The following MDM2 variants were observed in gnomAD, a reference collection of about 807,000 sequenced individuals.
MDM2 encodes E3 ubiquitin-protein ligase Mdm2.
MDM2 carries 11 observed loss-of-function variants against 64.3 expected under a neutral mutation model. The ratio of observed to expected loss-of-function variants is 0.17; its 90% CI spans 0.11 to 0.28. The LOEUF (loss-of-function observed/expected upper bound fraction) is 0.28, where lower values mean the gene tolerates loss of function less well. Ranked by LOEUF, MDM2 falls within the 10% of genes least tolerant of loss-of-function variation. The pLI is 1.00. For missense variants in MDM2, 388 were observed against 577.1 expected (o/e 0.67, Z 3.36); for synonymous variants, 194 against 192.9 (o/e 1.01, Z -0.05).
downstream of MDM2, chr12:68,850,542 C>A (rs1884620608): frequency 6.6e-6 from 1 of 152,184 alleles, no homozygotes; most frequent in Admixed American, 6.5e-5. Context: ...TGAGCCCATC[C>A]TCTGTCCTAT....
rs1883019293 is a variant in MDM2 at position 68,833,301 on chromosome 12, ATAAATATAAAAATATAAT to A, written c.685-2525_685-2508del. On this transcript the variant is annotated intron_variant, in intron 8 of 10. Transcript: ENST00000258149. ...TATAAATATAAATATATATATTTATATAAATATAAAAATATAATTATATAAATATAAAAATATATATTT... is the reference window on the plus strand; with the variant it reads ...TATAAATATAAATATATATATTTATATATATAAATATAAAAATATATATTT... 1.7e-5 allele frequency among the ~76,000 whole-genome samples: 2 copies of A among 118,726 alleles called. 1 individual carries two copies. The highest frequency in any genetic ancestry group is 3.4e-5 in the Non-Finnish European group (2 of 58,386). 77.9% of individuals were successfully genotyped at this position (118,726 alleles called of 152,430 possible). A position where few individuals can be genotyped will look rare whatever the true frequency, so the allele number is the denominator to read the frequency against.
chr12:68,845,618 T>C (rs1187928137), downstream of MDM2: 1 of 177,264 alleles, frequency 5.6e-6, no homozygotes, highest in Non-Finnish European at 1.2e-5. Flanking sequence ...TTAAAGACTT[T>C]AAAAAAAATT....
At position 68,844,123 on chromosome 12, in the gene MDM2, TTGTC is replaced by T. The variant is rs997440915; in HGVS notation, c.*4277_*4280del. On this transcript the variant is annotated 3_prime_UTR_variant, in exon 11 of 11. Transcript: ENST00000258149. ...TCAACATGTTTATGGGTTATTAAAA[TTGTC>T]TGATTTCTTAGGTTCTTTATAGTAC... 19 of 207,564 alleles carry T rather than the reference TTGTC, an allele frequency of 9.2e-5. No homozygotes were observed. In the South Asian group the frequency reaches 1.9e-3, roughly 21 times the overall value. 12.9% of individuals were successfully genotyped at this position (207,564 alleles called of 1,614,324 possible).
At position 68,842,467 on chromosome 12, in the gene MDM2, T is replaced by G. The variant is rs1024516815; in HGVS notation, c.*2618T>G. 1 of 414,282 alleles carries G rather than the reference T, an allele frequency of 2.4e-6. No homozygotes were observed. Among genetic ancestry groups the G allele is most frequent in the African/African-American group, 2.1e-5 (1 of 48,540 alleles). The allele number at this position is 414,282 out of a possible 1,614,324, so 25.7% of individuals were successfully genotyped here. A position where few individuals can be genotyped will look rare whatever the true frequency, so the allele number is the denominator to read the frequency against. ...GACTTAGAACCTCTAAATTATTGAC[T>G]TATTTTTTATATAAGGTCACTCCGA... On this transcript the variant is annotated 3_prime_UTR_variant, in exon 11 of 11. Transcript: ENST00000258149.
chr12:68,812,638 T>A (rs1263589992), intron 2 of MDM2, among the ~76,000 whole-genome samples: 1 of 152,160 alleles, frequency 6.6e-6, no homozygotes, highest in African/African-American at 2.4e-5. Flanking sequence ...TTTGTAGAGG[T>A]GGAGTCTCTC....
chr12:68,819,883 G>A (rs1053213309), intron 4 of MDM2, among the ~76,000 whole-genome samples: 2 of 152,318 alleles, frequency 1.3e-5, no homozygotes, highest in East Asian at 1.9e-4. Context: ...TGGATTTTGC[G>A]TAACTCAATA....
intron 7 of MDM2, among the ~76,000 whole-genome samples, chr12:68,827,119 A>G (rs1183471227): frequency 6.6e-6 from 1 of 152,202 alleles, no homozygotes; most frequent in South Asian, 2.1e-4. Flanking sequence ...TGGAGGTTGC[A>G]GTGTGCCGAG....
intron 2 of MDM2, among the ~76,000 whole-genome samples, chr12:68,811,754 T>G (rs1197605989): frequency 6.6e-6 from 1 of 151,650 alleles, no homozygotes; most frequent in Non-Finnish European, 1.5e-5. Flanking sequence ...GGCACCCACC[T>G]CCACACCCGG....
chr12:68,833,309 A>ATATATTTATATCAATATATATATTTATAT (rs1428704968), intron 8 of MDM2, among the ~76,000 whole-genome samples: 1 of 66,788 alleles, frequency 1.5e-5, no homozygotes, highest in Non-Finnish European at 3.2e-5. Flanking sequence ...ATATAAATAT[A>ATATATTTATATCAATATATATATTTATAT]AAAATATAAT....
intron 2 of MDM2, among the ~76,000 whole-genome samples, chr12:68,813,257 A>G (rs1214674255): frequency 6.6e-6 from 1 of 152,224 alleles, no homozygotes; most frequent in Non-Finnish European, 1.5e-5. Flanking sequence ...GCTTGCAATA[A>G]GCTCGTTGGA....
intron 8 of MDM2, among the ~76,000 whole-genome samples, chr12:68,829,973 T>G (rs1882663848): frequency 6.6e-6 from 1 of 152,244 alleles, no homozygotes; most frequent in Non-Finnish European, 1.5e-5. Context: ...TAATCAAGCT[T>G]GTCCAACCCA....
At chr12:68,835,419 A>G (rs1883223087) in intron 8 of MDM2, among the ~76,000 whole-genome samples, 1 of 152,230 alleles carries the variant, frequency 6.6e-6, no homozygotes, top group Admixed American at 6.5e-5. Context: ...GGGATTATCC[A>G]TATTTAGTAA....
intron 4 of MDM2, among the ~76,000 whole-genome samples, chr12:68,819,358 T>C (rs3730540): frequency 4.7e-3 from 716 of 152,342 alleles, no homozygotes; most frequent in Non-Finnish European, 7.0e-3. Context: ...ATAAACTTCA[T>C]GAGGGCATAT....
rs1883741546 is a variant in MDM2 at position 68,841,209 on chromosome 12, A to G, written c.*1360A>G. ...TCTCCAAAATACTCTTTCTAGGTTAAAAAAAAAAAGGCTCTTATATTTGGT... is the reference window on the plus strand; with the variant it reads ...TCTCCAAAATACTCTTTCTAGGTTAGAAAAAAAAAGGCTCTTATATTTGGT... On this transcript the variant is annotated 3_prime_UTR_variant, in exon 11 of 11. Transcript: ENST00000258149. 2.1e-5 allele frequency: 2 copies of G among 95,666 alleles called. No individual in the cohort carries two copies. The highest frequency in any genetic ancestry group is 4.6e-5 in the Non-Finnish European group (2 of 43,592). The allele number at this position is 95,666 out of a possible 1,614,324, so 5.9% of individuals were successfully genotyped here. A position where few individuals can be genotyped will look rare whatever the true frequency, so the allele number is the denominator to read the frequency against.
At position 68,842,022 on chromosome 12, in the gene MDM2, G is replaced by A. The variant is rs967071575; in HGVS notation, c.*2173G>A. On this transcript the variant is annotated 3_prime_UTR_variant, in exon 11 of 11. Coordinates refer to ENST00000258149, the MANE Select transcript of MDM2 (RefSeq NM_002392.6). The stretch of plus-strand genomic sequence containing the variant: ...GTGTTCAGATTGTATAAACATAAAT[G>A]TCACAAAAACTTTAAAAGAAGTGCA... The A allele has an allele frequency of 2.3e-4, 95 of 406,248 alleles. No individual in the cohort carries two copies. In the Admixed American group the frequency reaches 3.3e-3, roughly 14 times the overall value. 25.2% of individuals were successfully genotyped at this position (406,248 alleles called of 1,614,324 possible). A position where few individuals can be genotyped will look rare whatever the true frequency, so the allele number is the denominator to read the frequency against.
intron 3 of MDM2, chr12:68,814,568 A>C (rs904324283): frequency 5.5e-6 from 2 of 360,398 alleles, no homozygotes; most frequent in African/African-American, 4.3e-5. Flanking sequence ...TTTTTTTCCC[A>C]TCCAAATTAA....
intron 7 of MDM2, among the ~76,000 whole-genome samples, chr12:68,826,336 T>C (rs1882316155): frequency 6.6e-6 from 1 of 152,042 alleles, no homozygotes; most frequent in South Asian, 2.1e-4. Flanking sequence ...AAAAATTGAT[T>C]AAATTTTTCG....
chr12:68,833,309 A>ATATTTATAT, intron 8 of MDM2, among the ~76,000 whole-genome samples: 1 of 66,750 alleles, frequency 1.5e-5, no homozygotes, highest in Non-Finnish European at 3.2e-5. Context: ...ATATAAATAT[A>ATATTTATAT]AAAATATAAT....
intron 7 of MDM2, among the ~76,000 whole-genome samples, chr12:68,825,734 C>T (rs1213600975): frequency 6.6e-6 from 1 of 152,144 alleles, no homozygotes; most frequent in Non-Finnish European, 1.5e-5. Context: ...AAGGCTGTTG[C>T]CTGAGGAAGT....
Sources: allele counts gnomAD v4.1 joint callset (sites outside exome capture counted in the v4.1 genomes callset), GRCh38; gene constraint gnomAD v4.1.1; transcripts MANE v1.5; gene names NCBI Gene and HGNC (gene_info 2026-07-23, HGNC 2026-07-21).